Variants in TMPRSS6 observed in about 807,000 individuals in gnomAD.
TMPRSS6 encodes transmembrane serine protease 6, also known as transmembrane protease serine 6.
A neutral mutation model predicts 101.5 loss-of-function variants in TMPRSS6; 67 were observed. That is an observed-to-expected ratio of 0.66 (90% CI 0.54 to 0.81). The LOEUF is 0.81. Ranked by LOEUF, TMPRSS6 falls within the 30% of genes least tolerant of loss-of-function variation. The pLI is 0.00. For synonymous variants in TMPRSS6, 453 were observed against 464.9 expected, an observed-to-expected ratio of 0.97 and a Z score of 0.33; for missense variants, 1,034 against 1,088.7, an observed-to-expected ratio of 0.95 and a Z score of 0.71.
chr22:37,089,650 G>A lies in TMPRSS6; in HGVS notation c.764C>T (p.Thr255Met), dbSNP rs146291916. 1.4e-4 allele frequency: 223 copies of A among 1,612,716 alleles called. 1 individual carries two copies. Among genetic ancestry groups the A allele is most frequent in the East Asian group, 3.1e-4 (14 of 44,844 alleles). ...CAGTCGGTCCCGGCACTCTGCCAGC[G>A]TCCACTCCAGCCGGAGTTTGAGCAT... ...DLMLKLRLEWTLAECRDRLAM... is the reference protein window; with the variant it reads ...DLMLKLRLEWMLAECRDRLAM... Residue 255 changes from threonine to methionine, a missense_variant, in exon 7 of 18, where the codon ACG becomes ATG. Physicochemically the swap from Thr to Met is moderately conservative, Grantham distance 81 (BLOSUM62 -1). Transcript: ENST00000676104.
chr22:37,086,840 C>A (rs755391893), intron 7 of TMPRSS6, among the ~76,000 whole-genome samples: 1 of 152,166 alleles, frequency 6.6e-6, no homozygotes, highest in Non-Finnish European at 1.5e-5. Context: ...CCTGGCTGTG[C>A]TCAAGGATAG....
At position 37,096,054 on chromosome 22, in the gene TMPRSS6, G is replaced by A. The variant is rs1305847767; in HGVS notation, c.441C>T (p.Leu147=). ...TCAGCCGGCGGTGCTCGGGGATTTGGAGAATGAACCAGAAGAAGCAGGTGA... is the reference window on the plus strand; with the variant it reads ...TCAGCCGGCGGTGCTCGGGGATTTGAAGAATGAACCAGAAGAAGCAGGTGA... ...GPLTCFFWFI[L]QIPEHRRLML... is the part of the protein sequence containing the mutation. Residue 147 remains leucine (L), a synonymous_variant, in exon 5 of 18, where the codon CTC becomes CTT. Transcript: ENST00000676104. 1.9e-6 allele frequency: 3 copies of A among 1,614,218 alleles called. No homozygotes were observed. Among genetic ancestry groups the A allele is most frequent in the South Asian group, 2.2e-5 (2 of 91,078 alleles).
intron 2 of TMPRSS6, among the ~76,000 whole-genome samples, chr22:37,102,301 T>C (rs1601575949): frequency 6.6e-6 from 1 of 152,250 alleles, no homozygotes; most frequent in Non-Finnish European, 1.5e-5. Flanking sequence ...TCAGGTCTGA[T>C]GCCTTGGCTA....
At chr22:37,073,364 ATG>A (rs1446002199) in intron 13 of TMPRSS6, among the ~76,000 whole-genome samples, 166 bp downstream of exon 13, 2 of 148,938 alleles carry the variant, frequency 1.3e-5, no homozygotes, top group Non-Finnish European at 3.0e-5. Context: ...GGATGGATGG[ATG>A]GATGGATGGA....
At chr22:37,086,559 C>T in intron 7 of TMPRSS6, 140 bp from the exon 8 acceptor site, 2 of 848,224 alleles carry the variant, frequency 2.4e-6, no homozygotes, top group Non-Finnish European at 3.7e-6. Context: ...CCAGAGACCA[C>T]TGTGTGTCTG....
rs1569019769 is a variant in TMPRSS6, at chr22:37,094,410, GAT to G, written c.631+1139_631+1140del. 9.1e-4 allele frequency among the ~76,000 whole-genome samples: 137 copies of G among 150,666 alleles called. 1 individual carries two copies. Among genetic ancestry groups the G allele is most frequent in the African/African-American group, 3.2e-3 (131 of 40,876 alleles). On this transcript the variant is annotated intron_variant, in intron 6 of 17. Transcript: ENST00000676104. Reference sequence around the variant, plus strand: ...AGATAGATAGATAGATAGATAGATAGATAGATAGATAGATAGATATAAACAGA... The same window carrying G: ...AGATAGATAGATAGATAGATAGATAGAGATAGATAGATAGATATAAACAGA...
chr22:37,096,248 T>A (rs935240714), intron 4 of TMPRSS6, among the ~76,000 whole-genome samples, 158 bp from the exon 5 acceptor site: 5 of 152,234 alleles, frequency 3.3e-5, no homozygotes, highest in African/African-American at 1.2e-4. Context: ...GGCGCTCTCA[T>A]AATCCTTATT....
intron 13 of TMPRSS6, among the ~76,000 whole-genome samples, chr22:37,072,886 T>C (rs1384349182): frequency 7.7e-6 from 1 of 129,630 alleles, no homozygotes; most frequent in East Asian, 2.3e-4. Flanking sequence ...GGATGATGGA[T>C]GGATGAATGG....
chr22:37,085,854 A>C (rs1230338557), intron 8 of TMPRSS6, among the ~76,000 whole-genome samples: 1 of 152,048 alleles, frequency 6.6e-6, no homozygotes, highest in Non-Finnish European at 1.5e-5. Flanking sequence ...GTCCTGCTGC[A>C]AACAGACCCG....
chr22:37,068,648 C>T (rs1471225901), intron 16 of TMPRSS6: 1 of 779,696 alleles, frequency 1.3e-6, no homozygotes. Context: ...GTTTCTCCAT[C>T]CATAAAATAG....
rs1250063128 is a variant in TMPRSS6 at position 37,069,404 on chromosome 22, C to G, written c.1842-60G>C. 6.1e-6 allele frequency: 9 copies of G among 1,464,840 alleles called. No homozygotes were observed. Among genetic ancestry groups the G allele is most frequent in the Admixed American group, 2.0e-5 (1 of 50,030 alleles). 90.7% of individuals were successfully genotyped at this position (1,464,840 alleles called of 1,614,324 possible). ...GGTGAGGTGGGAGGAAGCTGCCTCT[C>G]CCCATCCAGGGACCCTCAAGATAGC... On this transcript the variant is annotated intron_variant, in intron 15 of 17. Coordinates refer to ENST00000676104, the MANE Select transcript of TMPRSS6 (RefSeq NM_001374504.1). The surrounding 1 kb of genome is among the most constrained non-coding windows in gnomAD (Gnocchi z 4.8).
At chr22:37,075,643 C>T (rs1417408718) in intron 10 of TMPRSS6, among the ~76,000 whole-genome samples, 1 of 152,218 alleles carries the variant, frequency 6.6e-6, no homozygotes. Flanking sequence ...TGGCTCACAC[C>T]TATAATCCCA....
chr22:37,107,426 C>T (rs948372989), intron 1 of TMPRSS6, among the ~76,000 whole-genome samples: 1 of 151,916 alleles, frequency 6.6e-6, no homozygotes, highest in Non-Finnish European at 1.5e-5. Context: ...TCCCAGGGTC[C>T]AGCACCTTTG....
chr22:37,068,953 C>A, intron 16 of TMPRSS6, 120 bp downstream of exon 16: 2 of 1,461,134 alleles, frequency 1.4e-6, no homozygotes, highest in Non-Finnish European at 1.8e-6. Context: ...AATCCCAGCA[C>A]TAGAGGGCCT....
chr22:37,105,475 C>A (rs904398348), intron 1 of TMPRSS6, among the ~76,000 whole-genome samples: 1 of 152,230 alleles, frequency 6.6e-6, no homozygotes, highest in African/African-American at 2.4e-5. Flanking sequence ...TTGCATGAGG[C>A]CACATGGCAG....
At chr22:37,067,045 A>C (rs1601511730) in intron 16 of TMPRSS6, 83 bp from the exon 17 acceptor site, 11 of 1,595,176 alleles carry the variant, frequency 6.9e-6, no homozygotes, top group Non-Finnish European at 9.4e-6. Context: ...TTCCCTTTGC[A>C]TCTCAGGAGC....
At chr22:37,078,697 GAGGAA>G (rs779056137) in intron 10 of TMPRSS6, among the ~76,000 whole-genome samples, 76,859 of 141,696 alleles carry the variant, frequency 0.54, 20,180 homozygotes, top group Non-Finnish European at 0.57. Flanking sequence ...GGAAGAGGAA[GAGGAA>G]GAGGAAGGAG....
chr22:37,098,440 A>C lies in TMPRSS6; in HGVS notation c.312T>G (p.Ser104Arg). The part of the protein sequence containing the change: ...LTRRESSAFR[S>R]ETAKAQKMLK... ...CCATCTTCTGGGCTTTGGCGGTTTCACTGCGGAAGGCACTAGATTCCCGGC... is the reference window on the plus strand; with the variant it reads ...CCATCTTCTGGGCTTTGGCGGTTTCCCTGCGGAAGGCACTAGATTCCCGGC... Residue 104 changes from serine to arginine, a missense_variant, in exon 3 of 18, where the codon AGT becomes AGG. By Grantham distance (110) the Ser-to-Arg change is moderately radical (BLOSUM62 -1). Coordinates refer to ENST00000676104, the MANE Select transcript of TMPRSS6 (RefSeq NM_001374504.1). 1 of 1,612,108 alleles carries C rather than the reference A, an allele frequency of 6.2e-7. No individual in the cohort carries two copies. The highest frequency in any genetic ancestry group is 8.5e-7 in the Non-Finnish European group (1 of 1,179,738).
At chr22:37,092,091 CT>C (rs11319214) in intron 6 of TMPRSS6, among the ~76,000 whole-genome samples, 59,302 of 143,138 alleles carry the variant, frequency 0.41, 11,811 homozygotes, top group African/African-American at 0.45. Context: ...AATAATTACC[CT>C]TTTTTTTTTT....
Sources: gnomAD v4.1 joint callset for allele counts (sites outside exome capture counted in the v4.1 genomes callset) on GRCh38, gnomAD v4.1.1 for gene constraint, Gnocchi (gnomAD v3.1) non-coding constraint, MANE v1.5 for transcripts, NCBI Gene and HGNC (gene_info 2026-07-23, HGNC 2026-07-21) for gene names.